TENT5D: variants seen among roughly 807,000 people sequenced by gnomAD.
The protein encoded by TENT5D is cancer/testis antigen 112.
For missense variants in TENT5D, 191 were observed against 287.0 expected (o/e 0.67, Z 2.42); for synonymous variants, 103 against 100.6 (o/e 1.02, Z -0.15).
At chrX:80,359,452 A>G (rs892798298) in intron 3 of TENT5D, among the ~76,000 whole-genome samples, 1 of 112,279 alleles carries the variant, frequency 8.9e-6, no homozygotes, top group Non-Finnish European at 1.9e-5. Context: ...CATATACACC[A>G]TGGAATACAA....
chrX:80,404,098 T>G (rs749479380), intron 3 of TENT5D, among the ~76,000 whole-genome samples: 6 of 111,702 alleles, frequency 5.4e-5, no homozygotes, highest in Non-Finnish European at 1.1e-4. Flanking sequence ...CACAATTTCG[T>G]CTGGTTCAGT....
At chrX:80,338,521 G>A (rs1929897080) in intron 2 of TENT5D, among the ~76,000 whole-genome samples, 1 of 112,091 alleles carries the variant, frequency 8.9e-6, no homozygotes, top group Non-Finnish European at 1.9e-5. Context: ...GATTAATTAT[G>A]CTTAGTTCTC....
intron 3 of TENT5D, among the ~76,000 whole-genome samples, chrX:80,389,528 C>G (rs1344925593): frequency 8.9e-6 from 1 of 112,127 alleles, no homozygotes; most frequent in Non-Finnish European, 1.9e-5. Context: ...AAATAAAAAT[C>G]TTAGTGCTGA....
chrX:80,348,737 C>T (rs1342600719), intron 3 of TENT5D, among the ~76,000 whole-genome samples: 2 of 111,351 alleles, frequency 1.8e-5, no homozygotes, highest in Admixed American at 9.6e-5. Context: ...TGTCTTGTGC[C>T]GGTTTTCAAA....
intron 3 of TENT5D, among the ~76,000 whole-genome samples, chrX:80,392,888 G>A (rs968515231): frequency 9.0e-6 from 1 of 111,038 alleles, no homozygotes; most frequent in African/African-American, 3.3e-5. Flanking sequence ...AGATTTCAGT[G>A]ATGCCCATCA....
intron 3 of TENT5D, among the ~76,000 whole-genome samples, chrX:80,352,174 C>T (rs1223834700): frequency 8.9e-6 from 1 of 112,125 alleles, no homozygotes. Flanking sequence ...AGCTGGAGTG[C>T]TATAATGGTA....
chrX:80,433,413 A>G (rs1476121733), intron 1 of TENT5D, among the ~76,000 whole-genome samples: 1 of 112,289 alleles, frequency 8.9e-6, no homozygotes, highest in Non-Finnish European at 1.9e-5. Flanking sequence ...AAATCAGGCA[A>G]TGATTTACTT....
chrX:80,349,739 T>C (rs1056041909), intron 3 of TENT5D, among the ~76,000 whole-genome samples: 5 of 111,291 alleles, frequency 4.5e-5, no homozygotes, highest in African/African-American at 1.6e-4. Flanking sequence ...TTAATTGTGA[T>C]GTTAGGGTGT....
intron 3 of TENT5D, among the ~76,000 whole-genome samples, chrX:80,385,480 C>T (rs1238743742): frequency 8.9e-6 from 1 of 111,804 alleles, no homozygotes; most frequent in African/African-American, 3.3e-5. Flanking sequence ...TAGAAGAAAA[C>T]CTAGGCAATG....
rs1299205585 is a variant in TENT5D at position 80,410,891 on chromosome X, A to G, written c.-141-27719A>G. On this transcript the variant is annotated intron_variant, in intron 3 of 4. Transcript: ENST00000538312. ...TGGATTAAGAAAATGTGGCACATAT[A>G]CACCATGGAATACTATGCAGCCATA... Among the ~76,000 whole-genome samples, 3 of 106,527 alleles carry G rather than the reference A, an allele frequency of 2.8e-5. No homozygotes were observed. The East Asian group carries it at 9.1e-4, about 32-fold the overall frequency. The allele number at this position is 106,527 out of a possible 115,157, so 92.5% of individuals were successfully genotyped here. A position where few individuals can be genotyped will look rare whatever the true frequency, so the allele number is the denominator to read the frequency against.
chrX:80,399,381 G>C (rs1931349247), intron 3 of TENT5D, among the ~76,000 whole-genome samples: 1 of 111,988 alleles, frequency 8.9e-6, no homozygotes, highest in Non-Finnish European at 1.9e-5. Context: ...TTTTTGCATT[G>C]TATATTCTTG....
intron 3 of TENT5D, among the ~76,000 whole-genome samples, chrX:80,382,252 T>A (rs1163523703): frequency 2.7e-5 from 3 of 112,042 alleles, no homozygotes; most frequent in Non-Finnish European, 5.6e-5. Flanking sequence ...GGAGGTCCAC[T>A]CCAGACCCTG....
chrX:80,375,037 A>AT (rs1266051049), intron 3 of TENT5D, among the ~76,000 whole-genome samples: 2 of 110,218 alleles, frequency 1.8e-5, no homozygotes, highest in Non-Finnish European at 3.8e-5. Flanking sequence ...AACCTGTCTG[A>AT]TTTTTTCATT....
At chrX:80,414,263 G>A (rs1003282538) in intron 3 of TENT5D, among the ~76,000 whole-genome samples, 9 of 111,780 alleles carry the variant, frequency 8.1e-5, no homozygotes, top group African/African-American at 2.9e-4. Flanking sequence ...GGGATTCTCT[G>A]GAGGGGGAGC....
intron 3 of TENT5D, among the ~76,000 whole-genome samples, chrX:80,348,080 A>T (rs979781031): frequency 8.9e-6 from 1 of 111,936 alleles, no homozygotes; most frequent in Admixed American, 9.5e-5. Flanking sequence ...TGGTTACTGT[A>T]GCCTTGTATA....
chrX:80,396,929 G>T (rs1334014885), intron 3 of TENT5D, among the ~76,000 whole-genome samples: 1 of 86,602 alleles, frequency 1.2e-5, no homozygotes, highest in African/African-American at 4.2e-5. Flanking sequence ...CCTCCCAGAC[G>T]GGGCGGCTGG....
At chrX:80,412,922 GT>G (rs776106745) in intron 3 of TENT5D, among the ~76,000 whole-genome samples, 2 of 108,875 alleles carry the variant, frequency 1.8e-5, no homozygotes, top group East Asian at 2.9e-4. Context: ...TAAATGTGGG[GT>G]TTTTGTTTTG....
intron 1 of TENT5D, among the ~76,000 whole-genome samples, chrX:80,427,488 A>T (rs1291871286): frequency 2.7e-5 from 3 of 112,473 alleles, no homozygotes; most frequent in African/African-American, 3.2e-5. Flanking sequence ...TTTTTTAAAG[A>T]TTAAAGTCAC....
upstream of TENT5D, among the ~76,000 whole-genome samples, chrX:80,420,236 TC>T (rs1265039587): frequency 2.7e-5 from 3 of 110,836 alleles, no homozygotes; most frequent in Non-Finnish European, 3.8e-5. Context: ...TTCTCCTTCC[TC>T]CCTCTTCACT....
Sources: gnomAD v4.1 joint callset for allele counts (sites outside exome capture counted in the v4.1 genomes callset) on GRCh38, gnomAD v4.1.1 for gene constraint, MANE v1.5 for transcripts, NCBI Gene and HGNC (gene_info 2026-07-23, HGNC 2026-07-21) for gene names.